SFXN4: variants seen among roughly 807,000 people sequenced by gnomAD.
The protein encoded by SFXN4 is sideroflexin-4.
Under a neutral mutation model 54.6 loss-of-function variants are expected in SFXN4, and 48 were observed. The ratio of observed to expected loss-of-function variants is 0.88; its 90% CI spans 0.70 to 1.12. SFXN4 has a LOEUF of 1.12. Among genes scored for constraint, SFXN4 ranks in the 50% most tolerant of loss-of-function variants. SFXN4 has a pLI of 0.00. For missense variants in SFXN4, 383 were observed against 409.2 expected (o/e 0.94, Z 0.55); for synonymous variants, 130 against 145.5 (o/e 0.89, Z 0.77).
At chr10:119,144,370 T>C (rs560962552) in intron 13 of SFXN4, among the ~76,000 whole-genome samples, 4 of 151,912 alleles carry the variant, frequency 2.6e-5, no homozygotes, top group Non-Finnish European at 1.5e-5. Context: ...GGCAGGAGAA[T>C]GGCATGAACC....
At chr10:119,149,435 CGAG>C (rs1338609449) in intron 11 of SFXN4, among the ~76,000 whole-genome samples, 1 of 152,046 alleles carries the variant, frequency 6.6e-6, no homozygotes, top group African/African-American at 2.4e-5. Flanking sequence ...GAGAGGAAGC[CGAG>C]GAGGGCTGTT....
chr10:119,143,152 T>G (rs1289380923), intron 13 of SFXN4, among the ~76,000 whole-genome samples: 1 of 152,158 alleles, frequency 6.6e-6, no homozygotes, highest in Non-Finnish European at 1.5e-5. Flanking sequence ...CAACCTTGCA[T>G]GACTTACCTG....
Position 119,165,527 on chromosome 10 carries a change from C to A in SFXN4, c.111+10G>T. The A allele has an allele frequency of 6.4e-7, 1 of 1,574,056 alleles. No individual in the cohort carries two copies. The highest frequency in any genetic ancestry group is 8.6e-7 in the Non-Finnish European group (1 of 1,165,588). ...TCCCTGCCCCTAGTCGCGCCGGGCC[C>A]GGGCCGTACTTGGCGCTCGGTGATC... is the stretch of plus-strand genomic sequence containing the variant. On this transcript the variant is annotated intron_variant, in intron 1 of 13. Coordinates refer to ENST00000355697, the MANE Select transcript of SFXN4 (RefSeq NM_213649.2).
chr10:119,157,950 C>G (rs762045202), intron 7 of SFXN4, 23 bp from the exon 8 acceptor site: 2 of 1,614,124 alleles, frequency 1.2e-6, no homozygotes, highest in Admixed American at 3.3e-5. Context: ...GCAAATGGAT[C>G]GCATTTTCGT....
intron 5 of SFXN4, among the ~76,000 whole-genome samples, chr10:119,160,590 T>A (rs1847485537): frequency 4.1e-5 from 1 of 24,676 alleles, no homozygotes; most frequent in African/African-American, 8.8e-5. Context: ...TTTCTTTTCT[T>A]TTTTTTTTTT....
chr10:119,158,071 A>C lies in SFXN4; in HGVS notation c.361-9T>G. On this transcript the variant is annotated splice_polypyrimidine_tract_variant and intron_variant, in intron 6 of 13. Coordinates refer to ENST00000355697, the MANE Select transcript of SFXN4 (RefSeq NM_213649.2). ...GTCATTGACAAAAATACCTTTTAAG[A>C]AGACAGTGGAACAGAGTTACAAGTG... 6.2e-7 allele frequency: 1 copy of C among 1,613,532 alleles called. No individual in the cohort carries two copies. Among genetic ancestry groups the C allele is most frequent in the Non-Finnish European group, 8.5e-7 (1 of 1,179,404 alleles).
intron 13 of SFXN4, among the ~76,000 whole-genome samples, chr10:119,142,689 TACAGGCACCCGCCACC>T (rs1846589330): frequency 1.3e-5 from 2 of 148,978 alleles, no homozygotes; most frequent in South Asian, 4.3e-4. Context: ...TAGCTGGGAC[TACAGGCACCCGCCACC>T]ACGTCCAGCT....
At chr10:119,147,428 A>G (rs1438233050) in intron 12 of SFXN4, among the ~76,000 whole-genome samples, 4 of 152,254 alleles carry the variant, frequency 2.6e-5, no homozygotes, top group Non-Finnish European at 5.9e-5. Context: ...GGGTTTAGAG[A>G]GGAGGGCTTG....
At chr10:119,147,539 C>T (rs1158757324) in intron 12 of SFXN4, among the ~76,000 whole-genome samples, 1 of 152,124 alleles carries the variant, frequency 6.6e-6, no homozygotes, top group African/African-American at 2.4e-5. Context: ...TTCGACACGC[C>T]AAGGACACGG....
At chr10:119,146,998 G>A (rs1846844274) in intron 12 of SFXN4, among the ~76,000 whole-genome samples, 2 of 152,232 alleles carry the variant, frequency 1.3e-5, no homozygotes, top group Non-Finnish European at 2.9e-5. Flanking sequence ...TTCCCCAGGA[G>A]TCTGCCCTGA....
intron 11 of SFXN4, among the ~76,000 whole-genome samples, chr10:119,153,772 C>T (rs1007095700): frequency 1.3e-5 from 2 of 152,154 alleles, no homozygotes; most frequent in Non-Finnish European, 2.9e-5. Context: ...CAGTCAGCCT[C>T]ACGGGTCACC....
Position 119,165,609 on chromosome 10 carries a change from C to T in SFXN4, c.39G>A (p.Arg13=), listed in dbSNP as rs201492747. ...GGACGGCGTCTCTGCGTCCTAGGAGCCGCCCAGGTTGCGTTTCCTCCTCCT... is the reference window on the plus strand; with the variant it reads ...GGACGGCGTCTCTGCGTCCTAGGAGTCGCCCAGGTTGCGTTTCCTCCTCCT... The part of the protein sequence containing the change: ...LEQEEETQPG[R]LLGRRDAVPA... Residue 13 remains arginine (R), a synonymous_variant, in exon 1 of 14, where the codon CGG becomes CGA. Transcript: ENST00000355697. The T allele has an allele frequency of 1.1e-4, 176 of 1,593,574 alleles. No individual in the cohort carries two copies. The East Asian group carries it at 3.2e-3, about 29-fold the overall frequency.
At chr10:119,144,798 A>C (rs1846718259) in intron 13 of SFXN4, among the ~76,000 whole-genome samples, 1 of 152,200 alleles carries the variant, frequency 6.6e-6, no homozygotes, top group Non-Finnish European at 1.5e-5. Flanking sequence ...AATTTAACTT[A>C]ATTTACAATT....
intron 13 of SFXN4, among the ~76,000 whole-genome samples, chr10:119,144,372 G>C (rs1344668911): frequency 4.6e-5 from 7 of 152,052 alleles, no homozygotes; most frequent in African/African-American, 1.7e-4. Flanking sequence ...CAGGAGAATG[G>C]CATGAACCCG....
chr10:119,141,326 A>T lies in SFXN4; in HGVS notation c.937-7T>A. On this transcript the variant is annotated splice_polypyrimidine_tract_variant and splice_region_variant and intron_variant, in intron 13 of 13. Coordinates refer to ENST00000355697, the MANE Select transcript of SFXN4 (RefSeq NM_213649.2). ...CAAGACTACAGTACTGTATCTGAAA[A>T]ATAGTTAAATTCATAATGTTTCTAT... is the stretch of plus-strand genomic sequence containing the variant. The T allele has an allele frequency of 6.6e-7, 1 of 1,518,252 alleles. No homozygotes were observed. The allele number at this position is 1,518,252 out of a possible 1,614,324, so 94.0% of individuals were successfully genotyped here.
intron 13 of SFXN4, among the ~76,000 whole-genome samples, chr10:119,142,651 C>T (rs1432960321): frequency 2.0e-5 from 3 of 149,382 alleles, no homozygotes; most frequent in Admixed American, 6.7e-5. Flanking sequence ...CTGGGGTTCA[C>T]GCCATTCTCC....
intron 13 of SFXN4, among the ~76,000 whole-genome samples, chr10:119,144,800 T>C (rs1846718436): frequency 6.6e-6 from 1 of 152,152 alleles, no homozygotes. Flanking sequence ...TTTAACTTAA[T>C]TTACAATTCA....
At chr10:119,141,841 G>A (rs1034493470) in intron 13 of SFXN4, among the ~76,000 whole-genome samples, 4 of 152,024 alleles carry the variant, frequency 2.6e-5, no homozygotes, top group East Asian at 3.9e-4. Flanking sequence ...AGACTAGCCC[G>A]GCTAACATGG....
At chr10:119,149,809 C>T (rs113691550) in intron 11 of SFXN4, among the ~76,000 whole-genome samples, 3,319 of 152,240 alleles carry the variant, frequency 0.022, 118 homozygotes, top group African/African-American at 0.076. Context: ...GCTTGACTTC[C>T]GGAAGGGAAA....
Sources: gnomAD v4.1 joint callset for allele counts (sites outside exome capture counted in the v4.1 genomes callset) on GRCh38, gnomAD v4.1.1 for gene constraint, MANE v1.5 for transcripts, NCBI Gene and HGNC (gene_info 2026-07-23, HGNC 2026-07-21) for gene names.